The following RABGAP1 variants were observed in gnomAD, a reference collection of about 807,000 sequenced individuals.
RABGAP1 encodes the protein RAB GTPase activating protein 1.
Under a neutral mutation model 137.6 loss-of-function variants are expected in RABGAP1, and 23 were observed. That is an observed-to-expected ratio of 0.17 (90% confidence interval 0.12 to 0.24). The LOEUF (loss-of-function observed/expected upper bound fraction) is 0.24, where lower values mean the gene tolerates loss of function less well. Ranked by LOEUF, RABGAP1 falls within the 10% of genes least tolerant of loss-of-function variation. The pLI, the probability that RABGAP1 is intolerant of heterozygous loss-of-function variation, is 1.00. For missense variants in RABGAP1, 906 were observed against 1,275.8 expected, an observed-to-expected ratio of 0.71 and a Z score of 4.42; for synonymous variants, 451 against 450.7, an observed-to-expected ratio of 1.00 and a Z score of -0.01.
At chr9:123,079,818 A>G (rs2034651541) in intron 19 of RABGAP1, among the ~76,000 whole-genome samples, 1 of 151,976 alleles carries the variant, frequency 6.6e-6, no homozygotes, top group African/African-American at 2.4e-5. Context: ...GCAGTATCTA[A>G]AGTAGCAGCT....
At chr9:123,059,573 AAAAC>A (rs1051818796) in intron 13 of RABGAP1, among the ~76,000 whole-genome samples, 2 of 152,172 alleles carry the variant, frequency 1.3e-5, no homozygotes, top group African/African-American at 4.8e-5. Flanking sequence ...TAAAAATTAA[AAAAC>A]AAAAACAAAA....
intron 21 of RABGAP1, among the ~76,000 whole-genome samples, chr9:123,095,464 C>A (rs2035154676): frequency 6.6e-6 from 1 of 152,030 alleles, no homozygotes; most frequent in Non-Finnish European, 1.5e-5. Flanking sequence ...ACTTTGGAGG[C>A]CAAAGCAGGA....
intron 13 of RABGAP1, chr9:123,035,765 C>G: frequency 1.8e-6 from 1 of 547,146 alleles, no homozygotes; most frequent in Non-Finnish European, 3.1e-6. Flanking sequence ...ACAAATTATT[C>G]GTATGGATAC....
chr9:122,961,798 A>G (rs183894568), intron 2 of RABGAP1, among the ~76,000 whole-genome samples: 1 of 152,234 alleles, frequency 6.6e-6, no homozygotes, highest in Admixed American at 6.5e-5. Context: ...TATATAGTAT[A>G]TTGTTGGGCC....
rs902026603 is a variant in RABGAP1, at chr9:123,097,983, A to G, written c.2733+138A>G. 2.8e-5 allele frequency: 19 copies of G among 672,342 alleles called. No homozygotes were observed. The South Asian group carries it at 3.5e-4, about 12-fold the overall frequency. The allele number at this position is 672,342 out of a possible 1,614,324, so 41.6% of individuals were successfully genotyped here. ...TTCCAAAGACTTTTTTTTTCCCCCT[A>G]CTGTGTAAAGTCCAATGGTTCCTAA... is the stretch of plus-strand genomic sequence containing the variant. On this transcript the variant is annotated intron_variant, in intron 22 of 25. Coordinates refer to ENST00000373647, the MANE Select transcript of RABGAP1 (RefSeq NM_012197.4).
At chr9:122,956,694 T>C (rs1218978497) in intron 1 of RABGAP1, among the ~76,000 whole-genome samples, 2 of 151,120 alleles carry the variant, frequency 1.3e-5, no homozygotes, top group Non-Finnish European at 3.0e-5. Context: ...AGAAGGCTAA[T>C]ACTTATATAT....
At chr9:123,013,126 A>G (rs1564132273) in intron 11 of RABGAP1, among the ~76,000 whole-genome samples, 1 of 152,156 alleles carries the variant, frequency 6.6e-6, no homozygotes, top group Non-Finnish European at 1.5e-5. Flanking sequence ...TGTGAAAGAG[A>G]ATTTTGTAAG....
intron 14 of RABGAP1, among the ~76,000 whole-genome samples, chr9:123,068,935 C>CA (rs1422907258): frequency 6.6e-6 from 1 of 152,004 alleles, no homozygotes. Flanking sequence ...AACTTTGGCA[C>CA]AAAAAATAAG....
At chr9:123,099,204 C>G (rs2035270435) in intron 23 of RABGAP1, among the ~76,000 whole-genome samples, 1 of 152,192 alleles carries the variant, frequency 6.6e-6, no homozygotes, top group Non-Finnish European at 1.5e-5. Flanking sequence ...ACACTAGGAT[C>G]TCTTGCTGGC....
In RABGAP1 at chr9:122,989,851, T is replaced by G. The variant is rs1373025866; in HGVS notation, c.766-205T>G. 4 of 558,090 alleles carry G rather than the reference T, an allele frequency of 7.2e-6. No individual in the cohort carries two copies. The African/African-American group carries it at 7.6e-5, about 11-fold the overall frequency. The allele number at this position is 558,090 out of a possible 1,614,324, so 34.6% of individuals were successfully genotyped here. A position where few individuals can be genotyped will look rare whatever the true frequency, so the allele number is the denominator to read the frequency against. Reference sequence around the variant, plus strand: ...GATTTTTAAATTGGATTTATAGTGCTTACAACCATTTCTTTTTTAAAACCC... The same window carrying G: ...GATTTTTAAATTGGATTTATAGTGCGTACAACCATTTCTTTTTTAAAACCC... On this transcript the variant is annotated intron_variant, in intron 5 of 25. Transcript: ENST00000373647.
chr9:122,983,525 T>C (rs1378932570), intron 2 of RABGAP1, among the ~76,000 whole-genome samples: 1 of 152,216 alleles, frequency 6.6e-6, no homozygotes, highest in Non-Finnish European at 1.5e-5. Flanking sequence ...TTGGATTTCT[T>C]GGTACCCCAG....
intron 13 of RABGAP1, among the ~76,000 whole-genome samples, chr9:123,050,265 G>A (rs1383488940): frequency 6.6e-6 from 1 of 152,194 alleles, no homozygotes; most frequent in Admixed American, 6.5e-5. Flanking sequence ...GTATTTAAAT[G>A]TATAGAGATC....
At chr9:123,050,269 A>G (rs2033397099) in intron 13 of RABGAP1, among the ~76,000 whole-genome samples, 1 of 152,264 alleles carries the variant, frequency 6.6e-6, no homozygotes, top group Non-Finnish European at 1.5e-5. Context: ...TTAAATGTAT[A>G]GAGATCAGTT....
chr9:123,094,952 T>C (rs954279456), intron 21 of RABGAP1, among the ~76,000 whole-genome samples: 1 of 152,160 alleles, frequency 6.6e-6, no homozygotes, highest in Non-Finnish European at 1.5e-5. Context: ...TGTAGAGATG[T>C]TTCATTTTCA....
intron 12 of RABGAP1, among the ~76,000 whole-genome samples, chr9:123,017,359 A>G (rs766747437): frequency 2.0e-5 from 3 of 152,160 alleles, no homozygotes; most frequent in East Asian, 1.9e-4. Flanking sequence ...ATGTCTTCCT[A>G]TTCCCTCAAA....
chr9:122,994,767 G>C (rs1208014169), intron 6 of RABGAP1, among the ~76,000 whole-genome samples: 1 of 152,142 alleles, frequency 6.6e-6, no homozygotes, highest in East Asian at 1.9e-4. Context: ...GTTTACCTTT[G>C]AGAACAGTGA....
intron 13 of RABGAP1, among the ~76,000 whole-genome samples, chr9:123,051,203 T>A (rs1199876699): frequency 6.8e-6 from 1 of 146,336 alleles, no homozygotes; most frequent in Non-Finnish European, 1.5e-5. Context: ...ATGTTGTGAT[T>A]TTATTCACCT....
intron 2 of RABGAP1, 113 bp from the exon 3 acceptor site, chr9:122,984,372 A>G: frequency 2.3e-6 from 2 of 865,418 alleles, no homozygotes; most frequent in Non-Finnish European, 1.8e-6. Context: ...CATTCAGAAG[A>G]TATCTTTGTA....
chr9:123,033,111 G>A (rs2032396236), intron 13 of RABGAP1, among the ~76,000 whole-genome samples: 1 of 152,058 alleles, frequency 6.6e-6, no homozygotes, highest in Non-Finnish European at 1.5e-5. Context: ...AAAGTTTCTT[G>A]GCCAATATTC....
Sources: gnomAD v4.1 joint callset for allele counts (sites outside exome capture counted in the v4.1 genomes callset) on GRCh38, gnomAD v4.1.1 for gene constraint, MANE v1.5 for transcripts, NCBI Gene and HGNC (gene_info 2026-07-23, HGNC 2026-07-21) for gene names.